The following ZNF721 variants were observed in gnomAD, a reference collection of about 807,000 sequenced individuals.
ZNF721 encodes the protein zinc finger protein 721.
A neutral mutation model predicts 2.4 loss-of-function variants in ZNF721; 2 were observed. The observed-to-expected ratio is 0.82, with a 90% CI of 0.34 to 2.58. The LOEUF (loss-of-function observed/expected upper bound fraction) is 2.58. ZNF721 is among the 30% of genes most tolerant of loss of function. The pLI is 0.11. For missense variants in ZNF721, 1,187 were observed against 1,085.5 expected (o/e 1.09, Z -1.31); for synonymous variants, 398 against 381.8 (o/e 1.04, Z -0.50).
intron 1 of ZNF721, among the ~76,000 whole-genome samples, chr4:486,374 G>A (rs1715898087): frequency 6.6e-6 from 1 of 152,088 alleles, no homozygotes; most frequent in South Asian, 2.1e-4. Flanking sequence ...TAGCCAGCAT[G>A]GTCTTGATCT....
intron 2 of ZNF721, among the ~76,000 whole-genome samples, chr4:447,202 C>T (rs1449334895): frequency 2.0e-5 from 3 of 151,830 alleles, no homozygotes; most frequent in Non-Finnish European, 4.4e-5. Context: ...AGGCACCGTA[C>T]TCCCAGCTAC....
rs1560222296 is a variant in ZNF721, at chr4:441,618, C to T, written c.*77G>A. 4.0e-6 allele frequency: 5 copies of T among 1,247,458 alleles called. No homozygotes were observed. Among genetic ancestry groups the T allele is most frequent in the South Asian group, 1.6e-5 (1 of 63,476 alleles). The allele number at this position is 1,247,458 out of a possible 1,614,324, so 77.3% of individuals were successfully genotyped here. A position where few individuals can be genotyped will look rare whatever the true frequency, so the allele number is the denominator to read the frequency against. On this transcript the variant is annotated 3_prime_UTR_variant, in exon 3 of 3. Transcript: ENST00000511833. ...TAAAGACCGCGACATTCGTCACCTT[C>T]GTAAGACATTCCCCTGGTATGAGTT... is the stretch of plus-strand genomic sequence containing the variant.
At position 499,123 on chromosome 4, in the gene ZNF721, C is replaced by T. The variant is rs900477435; in HGVS notation, c.-161G>A. The T allele has an allele frequency of 1.7e-6, 1 of 576,974 alleles. No individual in the cohort carries two copies. The highest frequency in any genetic ancestry group is 3.0e-6 in the Non-Finnish European group (1 of 336,214). The allele number at this position is 576,974 out of a possible 1,614,324, so 35.7% of individuals were successfully genotyped here. On this transcript the variant is annotated 5_prime_UTR_variant, in exon 1 of 3. Coordinates refer to ENST00000511833, the MANE Select transcript of ZNF721 (RefSeq NM_133474.4). ...GCCCCACGGAGCCGGGAACACCGCC[C>T]GCTGTTCGTATGTCCGAGGTGACGC...
chr4:458,503 A>G (rs577189017), intron 2 of ZNF721, among the ~76,000 whole-genome samples: 17 of 152,296 alleles, frequency 1.1e-4, no homozygotes, highest in African/African-American at 3.4e-4. Flanking sequence ...TCAGGCAAAC[A>G]TAACACCACT....
chr4:490,840 G>A (rs1179938038), intron 1 of ZNF721, among the ~76,000 whole-genome samples: 1 of 152,070 alleles, frequency 6.6e-6, no homozygotes, highest in African/African-American at 2.4e-5. Context: ...TGTAATCCCA[G>A]CTACTTGGGA....
chr4:441,039 TA>T lies in ZNF721; in HGVS notation c.*655del, dbSNP rs1714215844. The T allele has an allele frequency of 6.6e-6, 1 of 152,248 alleles. No homozygotes were observed. Among genetic ancestry groups the T allele is most frequent in the African/African-American group, 2.4e-5 (1 of 41,466 alleles). 9.4% of individuals were successfully genotyped at this position (152,248 alleles called of 1,614,324 possible). On this transcript the variant is annotated 3_prime_UTR_variant, in exon 3 of 3. Transcript: ENST00000511833. The stretch of plus-strand genomic sequence containing the variant: ...TTACATTTGTAGGATTTCTCTCCAA[TA>T]TAAATTCTCTGATGTTGAACAAAGT...
chr4:495,684 C>T lies in ZNF721; in HGVS notation c.-94+3372G>A, dbSNP rs1716134423. ...GACGTGTGATCTCGGCTCACTGCAA[C>T]CTCCACCTCCCGGGTTCATACCATT... On this transcript the variant is annotated intron_variant, in intron 1 of 2. Transcript: ENST00000511833. Among the ~76,000 whole-genome samples, 6 of 151,306 alleles carry T rather than the reference C, an allele frequency of 4.0e-5. No homozygotes were observed. The South Asian group carries it at 1.3e-3, about 32-fold the overall frequency.
chr4:471,010 A>AG lies in ZNF721; in HGVS notation c.34+1564_34+1565insC, dbSNP rs1560237483. Among the ~76,000 whole-genome samples the AG allele has an allele frequency of 2.0e-5, 3 of 152,180 alleles. No individual in the cohort carries two copies. The East Asian group carries it at 5.8e-4, about 29-fold the overall frequency. ...GAAGACTCTGTCTCAAAAAAAAAAA[A>AG]AAAGAAGTTAATATCCATATCCAAA... On this transcript the variant is annotated intron_variant, in intron 2 of 2. Coordinates refer to ENST00000511833, the MANE Select transcript of ZNF721 (RefSeq NM_133474.4).
intron 1 of ZNF721, among the ~76,000 whole-genome samples, chr4:478,894 C>T (rs868981830): frequency 7.2e-5 from 11 of 151,838 alleles, no homozygotes; most frequent in Non-Finnish European, 7.4e-5. Flanking sequence ...CTCAGCCTTC[C>T]GAGTAGCTGG....
chr4:444,333 T>C lies in ZNF721; in HGVS notation c.134A>G (p.Asp45Gly), dbSNP rs782681111. The change falls in exon 3 of 3, where the codon GAT becomes GGT. Residue 45 changes from aspartate to glycine, a missense_variant. Asp to Gly is a moderately conservative substitution (Grantham distance 94). Transcript: ENST00000511833. ...ACAGCCTTTCCTTAATTGTAAATTA[T>C]CATGCCCACATTTCTCATATCTTCT... is the stretch of plus-strand genomic sequence containing the variant. ...ILRRYEKCGH[D>G]NLQLRKGCKS... 6.2e-7 allele frequency: 1 copy of C among 1,614,160 alleles called. No individual in the cohort carries two copies. Among genetic ancestry groups the C allele is most frequent in the East Asian group, 2.2e-5 (1 of 44,872 alleles).
rs1714190808 is a variant in ZNF721, at chr4:440,365, T to C, written c.*1330A>G. On this transcript the variant is annotated 3_prime_UTR_variant, in exon 3 of 3. Transcript: ENST00000511833. The stretch of plus-strand genomic sequence containing the variant: ...ATGAGAATGTTGAAATAGTATAATT[T>C]TAGAGTTGAATTATTTGCTTTTGAA... 1 of 152,208 alleles carries C rather than the reference T, an allele frequency of 6.6e-6. No individual in the cohort carries two copies. The highest frequency in any genetic ancestry group is 2.1e-4 in the South Asian group (1 of 4,834). 9.4% of individuals were successfully genotyped at this position (152,208 alleles called of 1,614,324 possible).
At chr4:444,964 G>T (rs1383084755) in intron 2 of ZNF721, among the ~76,000 whole-genome samples, 1 of 149,314 alleles carries the variant, frequency 6.7e-6, no homozygotes, top group Non-Finnish European at 1.5e-5. Context: ...AACAGGTACA[G>T]CAAGTGATGA....
intron 1 of ZNF721, among the ~76,000 whole-genome samples, chr4:474,653 G>A (rs2108714339): frequency 6.6e-6 from 1 of 152,238 alleles, no homozygotes. Context: ...GAGGTGGGGG[G>A]ATCACGGGGT....
At chr4:488,976 T>C (rs1467937224) in intron 1 of ZNF721, among the ~76,000 whole-genome samples, 2 of 152,152 alleles carry the variant, frequency 1.3e-5, no homozygotes, top group Admixed American at 6.5e-5. Flanking sequence ...CCCCAGTAGC[T>C]AGCGGGAAGA....
intron 1 of ZNF721, among the ~76,000 whole-genome samples, chr4:485,862 C>G (rs1715882534): frequency 2.0e-5 from 3 of 152,144 alleles, no homozygotes; most frequent in Non-Finnish European, 4.4e-5. Flanking sequence ...ATAGTCCCAG[C>G]TACTTGGGAG....
chr4:459,205 T>C (rs1553865730), intron 2 of ZNF721, among the ~76,000 whole-genome samples: 2 of 152,092 alleles, frequency 1.3e-5, no homozygotes, highest in Admixed American at 1.3e-4. Context: ...CATACCAAAC[T>C]GTAAAGACCA....
Position 440,037 on chromosome 4 carries a change from CTT to C in ZNF721, c.*1656_*1657del, listed in dbSNP as rs1175085703. ...TTCAAAAATTAAGTTCACACATTAT[CTT>C]AAGAGAATTTTAAAATTTACTGCAT... is the stretch of plus-strand genomic sequence containing the variant. On this transcript the variant is annotated 3_prime_UTR_variant, in exon 3 of 3. Transcript: ENST00000511833. The C allele has an allele frequency of 6.6e-6, 1 of 150,512 alleles. No individual in the cohort carries two copies. The highest frequency in any genetic ancestry group is 1.9e-4 in the East Asian group (1 of 5,182). The allele number at this position is 150,512 out of a possible 1,614,324, so 9.3% of individuals were successfully genotyped here. A position where few individuals can be genotyped will look rare whatever the true frequency, so the allele number is the denominator to read the frequency against.
intron 1 of ZNF721, among the ~76,000 whole-genome samples, chr4:489,570 C>T (rs1437430198): frequency 6.6e-6 from 1 of 152,168 alleles, no homozygotes; most frequent in Admixed American, 6.5e-5. Context: ...GGCACTGTCC[C>T]ACCCACCCTT....
rs781885295 is a variant in ZNF721 at position 444,133 on chromosome 4, TACATTTA to T, written c.327_333del (p.Phe109LeufsTer14). ...TTCTGAAATGACTTGCCACATTCGT[TACATTTA>T]AAGTGTTTCTCTCCAGTATGTCTTG... On this transcript the variant is annotated frameshift_variant, in exon 3 of 3. Coordinates refer to ENST00000511833, the MANE Select transcript of ZNF721 (RefSeq NM_133474.4). LOFTEE classifies it low-confidence loss of function (END_TRUNC). The T allele has an allele frequency of 1.9e-6, 3 of 1,614,158 alleles. No homozygotes were observed. The highest frequency in any genetic ancestry group is 2.5e-6 in the Non-Finnish European group (3 of 1,180,002).
Sources: gnomAD v4.1 joint callset for allele counts (sites outside exome capture counted in the v4.1 genomes callset) on GRCh38, gnomAD v4.1.1 for gene constraint, MANE v1.5 for transcripts, NCBI Gene and HGNC (gene_info 2026-07-23, HGNC 2026-07-21) for gene names.